Variants in RARB observed in about 807,000 individuals in gnomAD.
RARB encodes HBV-activated protein.
Under a neutral mutation model 51.9 loss-of-function variants are expected in RARB, and 17 were observed. The ratio of observed to expected loss-of-function variants is 0.33; its 90% CI spans 0.22 to 0.49. The LOEUF is 0.49. Ranked by LOEUF, RARB falls within the 20% of genes least tolerant of loss-of-function variation. The probability of loss-of-function intolerance (pLI) is 0.99; values close to 1 mark genes in which losing one functional copy is unlikely to be tolerated. For missense variants in RARB, 369 were observed against 550.8 expected (o/e 0.67, Z 3.30); for synonymous variants, 215 against 195.4 (o/e 1.10, Z -0.84).
intron 5 of RARB, among the ~76,000 whole-genome samples, chr3:25,278,072 C>T (rs1219589807): frequency 6.6e-6 from 1 of 152,130 alleles, no homozygotes. Flanking sequence ...GTGCTCAGTT[C>T]ATGTGTATTT....
Position 25,269,702 on chromosome 3 carries a change from A to C in RARB, c.178+95127A>C, listed in dbSNP as rs551594537. The stretch of plus-strand genomic sequence containing the variant: ...TAATAGTAAACTCACTTAACAGCTA[A>C]TTTTAAGGGCTTTATGACTTTGCTG... On this transcript the variant is annotated intron_variant, in intron 5 of 11. Coordinates refer to the RARB transcript ENST00000383772. Among the ~76,000 whole-genome samples the C allele has an allele frequency of 3.3e-5, 5 of 152,308 alleles. 1 individual carries two copies. Among genetic ancestry groups the C allele is most frequent in the African/African-American group, 1.2e-4 (5 of 41,584 alleles).
At chr3:24,849,290 C>T (rs942003454) in intron 1 of RARB, among the ~76,000 whole-genome samples, 3 of 152,230 alleles carry the variant, frequency 2.0e-5, no homozygotes, top group Middle Eastern at 3.4e-3. Context: ...CATTGTTGCC[C>T]CTCAGTGAGG....
At chr3:25,125,244 G>A (rs1699842867) in intron 3 of RARB, among the ~76,000 whole-genome samples, 1 of 152,166 alleles carries the variant, frequency 6.6e-6, no homozygotes. Context: ...TAAGAAGGAG[G>A]TAATCAGTGG....
chr3:24,931,225 A>G (rs989707698), intron 2 of RARB, among the ~76,000 whole-genome samples: 6 of 152,022 alleles, frequency 3.9e-5, no homozygotes, highest in South Asian at 2.1e-4. Context: ...CCATGCATGT[A>G]TTTTTTAAAA....
At chr3:25,511,090 C>T (rs554224927) in intron 3 of RARB, among the ~76,000 whole-genome samples, 5 of 152,238 alleles carry the variant, frequency 3.3e-5, no homozygotes, top group African/African-American at 1.2e-4. Context: ...TTTACAAACA[C>T]AGTCACTTGA....
intron 5 of RARB, among the ~76,000 whole-genome samples, chr3:25,183,329 T>C (rs1237859811): frequency 6.6e-6 from 1 of 152,160 alleles, no homozygotes; most frequent in African/African-American, 2.4e-5. Context: ...TACAAGTCCG[T>C]GATTATAATT....
chr3:25,182,209 A>G (rs866285354), intron 5 of RARB, among the ~76,000 whole-genome samples: 1 of 152,222 alleles, frequency 6.6e-6, no homozygotes, highest in Non-Finnish European at 1.5e-5. Context: ...GAATGAATAC[A>G]TGAATGAATT....
chr3:25,564,276 G>C (rs1027701426), intron 3 of RARB, among the ~76,000 whole-genome samples: 2 of 152,178 alleles, frequency 1.3e-5, no homozygotes, highest in Non-Finnish European at 2.9e-5. Context: ...TCATAAATAT[G>C]TTACTTTTAT....
intron 5 of RARB, among the ~76,000 whole-genome samples, chr3:25,414,763 G>A (rs775860119): frequency 3.3e-5 from 5 of 152,198 alleles, no homozygotes; most frequent in Non-Finnish European, 4.4e-5. Context: ...AATAAGAGTT[G>A]GAAGAAGGGT....
intron 3 of RARB, among the ~76,000 whole-genome samples, chr3:25,129,626 C>A (rs1056996401): frequency 2.0e-5 from 3 of 152,010 alleles, no homozygotes; most frequent in African/African-American, 7.2e-5. Flanking sequence ...TATGACTCAT[C>A]TCTATCATCT....
At chr3:25,557,004 G>A (rs981198420) in intron 3 of RARB, among the ~76,000 whole-genome samples, 3 of 152,146 alleles carry the variant, frequency 2.0e-5, no homozygotes, top group Non-Finnish European at 4.4e-5. Context: ...GATGTGCAAG[G>A]TAGGTCAACA....
intron 4 of RARB, among the ~76,000 whole-genome samples, chr3:25,157,358 G>GTA (rs1700393470): frequency 1.3e-5 from 1 of 76,780 alleles, no homozygotes; most frequent in Admixed American, 1.6e-4. Context: ...GTTTGTGTGT[G>GTA]TGTGTGTGTG....
At chr3:24,955,537 A>G (rs1695995013) in intron 2 of RARB, among the ~76,000 whole-genome samples, 2 of 152,214 alleles carry the variant, frequency 1.3e-5, no homozygotes, top group South Asian at 4.1e-4. Flanking sequence ...CGTAGGGGCC[A>G]AGAGAAAGTT....
intron 5 of RARB, among the ~76,000 whole-genome samples, chr3:25,384,857 G>T (rs1352032146): frequency 6.6e-6 from 1 of 152,172 alleles, no homozygotes; most frequent in Non-Finnish European, 1.5e-5. Context: ...CTTAAAAGAA[G>T]ATAAGAAATA....
At chr3:25,250,751 G>A (rs1559331795) in intron 5 of RARB, among the ~76,000 whole-genome samples, 2 of 152,212 alleles carry the variant, frequency 1.3e-5, no homozygotes, top group Non-Finnish European at 2.9e-5. Flanking sequence ...AGGACTTGGC[G>A]GCTGTATGGA....
chr3:25,093,392 T>C (rs6801041), intron 3 of RARB, among the ~76,000 whole-genome samples: 27,067 of 152,146 alleles, frequency 0.18, 4,121 homozygotes, highest in African/African-American at 0.41. Flanking sequence ...TCTGACCAGT[T>C]CCCATCTAGC....
chr3:25,134,143 C>T (rs1292170361), intron 4 of RARB, among the ~76,000 whole-genome samples: 1 of 151,854 alleles, frequency 6.6e-6, no homozygotes, highest in Non-Finnish European at 1.5e-5. Flanking sequence ...TGGAAATTTA[C>T]TTATTAGCTT....
chr3:25,078,599 T>TA lies in RARB; in HGVS notation c.-328+18425dup, dbSNP rs1330199335. Among the ~76,000 whole-genome samples, 3 of 150,986 alleles carry TA rather than the reference T, an allele frequency of 2.0e-5. No individual in the cohort carries two copies. In the East Asian group the frequency reaches 5.8e-4, roughly 29 times the overall value. The stretch of plus-strand genomic sequence containing the variant: ...TTGCCCAGGCTGGAGTGCAGTGGCA[T>TA]AATCTCAGCTCATCACAACCTCCAC... On this transcript the variant is annotated intron_variant, in intron 3 of 11. Transcript: ENST00000383772.
chr3:25,418,139 C>T (rs958993668), intron 5 of RARB, among the ~76,000 whole-genome samples: 19 of 152,036 alleles, frequency 1.2e-4, no homozygotes, highest in East Asian at 1.9e-4. Context: ...CACCTAGCTG[C>T]GAAGGAGGCT....
Sources: gnomAD v4.1 joint callset for allele counts (sites outside exome capture counted in the v4.1 genomes callset) on GRCh38, gnomAD v4.1.1 for gene constraint, MANE v1.5 for transcripts, NCBI Gene and HGNC (gene_info 2026-07-23, HGNC 2026-07-21) for gene names.